WDFY4: variants seen among roughly 807,000 people sequenced by gnomAD.
The protein encoded by WDFY4 is WD repeat- and FYVE domain-containing protein 4.
In WDFY4, 169 loss-of-function variants were observed where a neutral mutation model predicts 351.9. The ratio of observed to expected loss-of-function variants is 0.48; its 90% CI spans 0.42 to 0.55. WDFY4 has a LOEUF of 0.55. WDFY4 is among the 20% of genes least tolerant of loss of function. The pLI, the probability that WDFY4 is intolerant of heterozygous loss-of-function variation, is 0.00. For missense variants in WDFY4, 3,803 were observed against 3,935.6 expected (o/e 0.97, Z 0.90); for synonymous variants, 1,622 against 1,574.6 (o/e 1.03, Z -0.71).
intron 51 of WDFY4, among the ~76,000 whole-genome samples, chr10:48,954,962 C>T (rs185715686): frequency 5.9e-5 from 9 of 152,132 alleles, no homozygotes; most frequent in East Asian, 1.9e-4. Context: ...AACAATATTT[C>T]GTATGTATAT....
At chr10:48,796,502 A>T (rs1171100147) in intron 24 of WDFY4, 52 bp downstream of exon 24, 5 of 1,525,964 alleles carry the variant, frequency 3.3e-6, no homozygotes, top group Non-Finnish European at 4.4e-6. Context: ...GATGGTAAAT[A>T]TGCTAAGTCT....
chr10:48,951,240 T>C (rs1033376999), intron 51 of WDFY4, among the ~76,000 whole-genome samples: 1 of 152,182 alleles, frequency 6.6e-6, no homozygotes, highest in African/African-American at 2.4e-5. Flanking sequence ...ATCCAGAAAA[T>C]ATGGTATATA....
At chr10:48,977,635 G>C (rs1263515484) in intron 59 of WDFY4, among the ~76,000 whole-genome samples, 1 of 152,250 alleles carries the variant, frequency 6.6e-6, no homozygotes, top group Admixed American at 6.5e-5. Flanking sequence ...GAGGAGCCTG[G>C]GGTGGCCGAG....
chr10:48,856,244 T>A (rs1235642242), intron 39 of WDFY4, among the ~76,000 whole-genome samples: 2 of 152,120 alleles, frequency 1.3e-5, no homozygotes, highest in Non-Finnish European at 2.9e-5. Context: ...GAAGTAGTAT[T>A]TTAAAAGTCT....
intron 19 of WDFY4, among the ~76,000 whole-genome samples, chr10:48,785,120 A>G (rs2066362434): frequency 6.6e-6 from 1 of 152,134 alleles, no homozygotes; most frequent in Non-Finnish European, 1.5e-5. Context: ...TCGGCCTCCC[A>G]AAGTGCTGGG....
chr10:48,891,344 T>C (rs966005446), intron 44 of WDFY4, among the ~76,000 whole-genome samples: 2 of 152,242 alleles, frequency 1.3e-5, no homozygotes, highest in African/African-American at 4.8e-5. Flanking sequence ...AATGCCAAGT[T>C]CTTTAGGATC....
chr10:48,939,116 C>T (rs2133743566), intron 47 of WDFY4, among the ~76,000 whole-genome samples: 1 of 152,280 alleles, frequency 6.6e-6, no homozygotes, highest in South Asian at 2.1e-4. Flanking sequence ...AGCAGGTGCC[C>T]AGGTTCCCAG....
chr10:48,692,333 G>A (rs1168827492), intron 1 of WDFY4, among the ~76,000 whole-genome samples: 14 of 152,210 alleles, frequency 9.2e-5, no homozygotes, highest in Non-Finnish European at 1.2e-4. Context: ...GACAGGAACA[G>A]AAGGGCGGGA....
At chr10:48,905,386 G>A in intron 47 of WDFY4, among the ~76,000 whole-genome samples, 1 of 152,230 alleles carries the variant, frequency 6.6e-6, no homozygotes, top group East Asian at 1.9e-4. Context: ...AATGTCTGGA[G>A]ATTACTCCTT....
intron 43 of WDFY4, chr10:48,883,807 C>T (rs1290569431): frequency 1.3e-5 from 2 of 152,266 alleles, no homozygotes; most frequent in African/African-American, 2.4e-5. Context: ...GTGGCAGCAG[C>T]TTAACTCATT....
intron 55 of WDFY4, chr10:48,967,614 T>G (rs952940053): frequency 7.1e-6 from 1 of 140,374 alleles, no homozygotes; most frequent in South Asian, 2.6e-4. Flanking sequence ...AGGAGTCCAC[T>G]GGGGTGGGGG....
intron 21 of WDFY4, 110 bp downstream of exon 21, chr10:48,788,785 G>A (rs185398048): frequency 7.5e-7 from 1 of 1,332,948 alleles, no homozygotes; most frequent in South Asian, 1.6e-5. Context: ...TGTGTAGATG[G>A]ATACACAAAT....
At chr10:48,828,716 T>C (rs2068085322) in intron 36 of WDFY4, 62 bp from the exon 37 acceptor site, 2 of 986,002 alleles carry the variant, frequency 2.0e-6, no homozygotes, top group Non-Finnish European at 3.0e-6. Context: ...TAAAGAACAA[T>C]AGAATGGTCT....
chr10:48,909,940 G>A (rs1400021597), intron 47 of WDFY4: 1 of 394,618 alleles, frequency 2.5e-6, no homozygotes, highest in East Asian at 4.5e-5. Context: ...AAGTCTTAAA[G>A]TCTTAAATAT....
intron 11 of WDFY4, 43 bp from the exon 12 acceptor site, chr10:48,742,925 T>C (rs754760384): frequency 7.3e-6 from 11 of 1,496,754 alleles, no homozygotes; most frequent in Non-Finnish European, 9.8e-6. Flanking sequence ...AGGGTTAATC[T>C]ACCTCCTGGA....
In WDFY4 at chr10:48,832,667, G is replaced by A. The variant is rs181473113; in HGVS notation, c.6621G>A (p.Leu2207=). 7 of 1,550,640 alleles carry A rather than the reference G, an allele frequency of 4.5e-6. No individual in the cohort carries two copies. The African/African-American group carries it at 5.5e-5, about 12-fold the overall frequency. Residue 2207 remains leucine, a synonymous_variant, in exon 39 of 62, where the codon CTG becomes CTA. Coordinates refer to ENST00000325239, the MANE Select transcript of WDFY4 (RefSeq NM_001394531.1). ...GAAGCCTGTCCTCAGCCATGAAGCT[G>A]ATGCCCGGGCGGCAGGCCAAGGACC... is the stretch of plus-strand genomic sequence containing the variant. The part of the protein sequence containing the change: ...WSGSLSSAMK[L]MPGRQAKDPE...
rs938100439 is a variant in WDFY4, at chr10:48,735,882, G to T, written c.1690G>T (p.Val564Phe). ...CATTCTGTCTGTCTGATCCTTAGTTGTCCTGAAGGACCACGGCATGGTGCC... is the reference window on the plus strand; with the variant it reads ...CATTCTGTCTGTCTGATCCTTAGTTTTCCTGAAGGACCACGGCATGGTGCC... ...LLKGSVRNAV[V>F]LKDHGMVPFI... The change falls in exon 11 of 62, where the codon GTC becomes TTC. Residue 564 changes from valine (V) to phenylalanine (F), a missense_variant and splice_region_variant. Around this residue, in one of 3 missense-constraint regions of WDFY4, gnomAD observed 261 missense variants for 330.2 expected, o/e 0.79. Coordinates refer to ENST00000325239, the MANE Select transcript of WDFY4 (RefSeq NM_001394531.1). 1 of 1,551,438 alleles carries T rather than the reference G, an allele frequency of 6.4e-7. No homozygotes were observed. The highest frequency in any genetic ancestry group is 1.2e-5 in the South Asian group (1 of 84,044).
intron 19 of WDFY4, among the ~76,000 whole-genome samples, chr10:48,781,254 A>ATG (rs1383842334): frequency 6.8e-5 from 10 of 146,736 alleles, no homozygotes; most frequent in East Asian, 2.1e-4. Flanking sequence ...GTATATATAT[A>ATG]TGTGTGTGTG....
chr10:48,859,052 T>C (rs769965082), intron 39 of WDFY4, among the ~76,000 whole-genome samples: 4 of 152,176 alleles, frequency 2.6e-5, no homozygotes, highest in Admixed American at 6.5e-5. Flanking sequence ...TGATCTTATA[T>C]CCTGTGACCG....
Sources: gnomAD v4.1 joint callset for allele counts (sites outside exome capture counted in the v4.1 genomes callset) on GRCh38, gnomAD v4.1.1 for gene constraint, gnomAD v4.1.1 regional missense constraint, MANE v1.5 for transcripts, NCBI Gene and HGNC (gene_info 2026-07-23, HGNC 2026-07-21) for gene names.